SH3GL2: variants seen among roughly 807,000 people sequenced by gnomAD.
SH3GL2 encodes endophilin-A1.
In SH3GL2, 24 loss-of-function variants were observed where a neutral mutation model predicts 46.0. The observed-to-expected ratio is 0.52, with a 90% CI of 0.38 to 0.73. The LOEUF (loss-of-function observed/expected upper bound fraction) is 0.73. Among genes scored for constraint, SH3GL2 ranks in the 30% least tolerant of loss-of-function variants. The probability of loss-of-function intolerance (pLI) is 0.00; values close to 1 mark genes in which losing one functional copy is unlikely to be tolerated. For synonymous variants in SH3GL2, 196 were observed against 147.1 expected, an observed-to-expected ratio of 1.33 and a Z score of -2.40; for missense variants, 413 against 424.2, an observed-to-expected ratio of 0.97 and a Z score of 0.23.
chr9:17,685,657 T>A (rs1424413853), intron 1 of SH3GL2, among the ~76,000 whole-genome samples: 3 of 152,102 alleles, frequency 2.0e-5, no homozygotes, highest in Non-Finnish European at 4.4e-5. Context: ...GTTTCAGCTT[T>A]CTACATATGG....
chr9:17,603,336 A>G (rs564953046), intron 1 of SH3GL2, among the ~76,000 whole-genome samples: 1 of 152,332 alleles, frequency 6.6e-6, no homozygotes, highest in African/African-American at 2.4e-5. Context: ...CACATGCTAC[A>G]CCATGGATGA....
rs1823856475 is a variant in SH3GL2, at chr9:17,783,032, C to T, written c.188-3349C>T. On this transcript the variant is annotated intron_variant, in intron 3 of 8. Transcript: ENST00000380607. ...CAACCAAGTTGTCAGTAGAGCATTC[C>T]AGAACACACACACAGACAGGGGAGC... is the stretch of plus-strand genomic sequence containing the variant. Among the ~76,000 whole-genome samples the T allele has an allele frequency of 1.3e-5, 2 of 152,086 alleles. 1 individual carries two copies. The highest frequency in any genetic ancestry group is 4.8e-5 in the African/African-American group (2 of 41,418).
intron 1 of SH3GL2, among the ~76,000 whole-genome samples, chr9:17,630,864 G>A (rs1452182067): frequency 6.6e-6 from 1 of 152,126 alleles, no homozygotes; most frequent in Admixed American, 6.6e-5. Flanking sequence ...TGGGCAAGGT[G>A]GGGCAGGACC....
intron 1 of SH3GL2, among the ~76,000 whole-genome samples, chr9:17,729,627 T>C (rs1413304180): frequency 1.3e-5 from 2 of 152,220 alleles, no homozygotes; most frequent in African/African-American, 4.8e-5. Flanking sequence ...CATCTTGAAT[T>C]AATTTTTGTA....
intron 1 of SH3GL2, among the ~76,000 whole-genome samples, chr9:17,623,021 CTTT>C (rs1819186370): frequency 1.1e-5 from 1 of 94,696 alleles, no homozygotes; most frequent in African/African-American, 4.3e-5. Flanking sequence ...CTTTCCTTTC[CTTT>C]CCTTTCCTTT....
intron 1 of SH3GL2, among the ~76,000 whole-genome samples, chr9:17,593,888 A>G (rs1818526715): frequency 1.3e-5 from 2 of 152,128 alleles, no homozygotes; most frequent in Non-Finnish European, 2.9e-5. Context: ...CATTCTGAGC[A>G]CTTGTGAGAC....
intron 1 of SH3GL2, among the ~76,000 whole-genome samples, chr9:17,599,229 C>G (rs963748815): frequency 1.3e-5 from 2 of 152,072 alleles, no homozygotes; most frequent in African/African-American, 4.8e-5. Flanking sequence ...ACTTTCTAAA[C>G]ATAACATATC....
intron 1 of SH3GL2, among the ~76,000 whole-genome samples, chr9:17,677,470 A>G (rs1225126708): frequency 6.6e-6 from 1 of 152,142 alleles, no homozygotes; most frequent in African/African-American, 2.4e-5. Context: ...GGGGGTCTGC[A>G]ACATTCCCCT....
At chr9:17,690,299 C>T (rs1180025526) in intron 1 of SH3GL2, among the ~76,000 whole-genome samples, 1 of 152,122 alleles carries the variant, frequency 6.6e-6, no homozygotes, top group Non-Finnish European at 1.5e-5. Flanking sequence ...CCGGGCGAGG[C>T]CTCAGGCACT....
chr9:17,757,006 A>G (rs972620454), intron 2 of SH3GL2, among the ~76,000 whole-genome samples: 5 of 152,112 alleles, frequency 3.3e-5, no homozygotes, highest in Admixed American at 6.5e-5. Context: ...TGACTTTTTA[A>G]TGATTACCAT....
intron 1 of SH3GL2, among the ~76,000 whole-genome samples, chr9:17,685,237 T>C (rs1820872671): frequency 6.6e-6 from 1 of 152,032 alleles, no homozygotes; most frequent in Non-Finnish European, 1.5e-5. Flanking sequence ...AGTGCAAAAT[T>C]CATAGGACAT....
intron 1 of SH3GL2, among the ~76,000 whole-genome samples, chr9:17,691,084 G>A (rs1370573617): frequency 6.6e-6 from 1 of 152,170 alleles, no homozygotes; most frequent in African/African-American, 2.4e-5. Context: ...AAGAACCTTA[G>A]CATGCTAGGG....
chr9:17,731,437 A>G (rs188087811), intron 1 of SH3GL2, among the ~76,000 whole-genome samples: 3 of 149,034 alleles, frequency 2.0e-5, no homozygotes, highest in Admixed American at 6.7e-5. Context: ...GAGAGAGAGA[A>G]AGAGAGAGAG....
intron 1 of SH3GL2, among the ~76,000 whole-genome samples, chr9:17,664,182 G>T (rs1385401805): frequency 2.6e-5 from 4 of 152,152 alleles, no homozygotes; most frequent in African/African-American, 9.7e-5. Flanking sequence ...CAGCTGTGAG[G>T]CTAAAAATCT....
At chr9:17,622,986 GTTTCCTTTCCTTTCC>G (rs1210987554) in intron 1 of SH3GL2, among the ~76,000 whole-genome samples, 23 of 99,400 alleles carry the variant, frequency 2.3e-4, no homozygotes, top group African/African-American at 4.3e-4. Context: ...GTTTCCTTTC[GTTTCCTTTCCTTTCC>G]TTTCCTTTCC....
At chr9:17,611,062 T>G (rs1226906954) in intron 1 of SH3GL2, among the ~76,000 whole-genome samples, 2 of 152,216 alleles carry the variant, frequency 1.3e-5, no homozygotes, top group Non-Finnish European at 2.9e-5. Flanking sequence ...GAGTTATTCA[T>G]TGTGACAGAT....
At chr9:17,699,450 C>T (rs1388549220) in intron 1 of SH3GL2, among the ~76,000 whole-genome samples, 1 of 152,158 alleles carries the variant, frequency 6.6e-6, no homozygotes, top group Non-Finnish European at 1.5e-5. Context: ...TCTCCTGTGC[C>T]TAGTTTGTCA....
chr9:17,780,348 T>C (rs1023522642), intron 3 of SH3GL2, among the ~76,000 whole-genome samples: 1 of 152,196 alleles, frequency 6.6e-6, no homozygotes, highest in African/African-American at 2.4e-5. Flanking sequence ...TTTGTCCTAC[T>C]TCTTTCATTC....
At chr9:17,622,976 G>GTTTCCTTTCGTTTCC (rs1453534306) in intron 1 of SH3GL2, among the ~76,000 whole-genome samples, 1 of 78,712 alleles carries the variant, frequency 1.3e-5, no homozygotes, top group Non-Finnish European at 2.9e-5. Flanking sequence ...TTTTCCTTTC[G>GTTTCCTTTCGTTTCC]TTTCCTTTCG....
Sources: gnomAD v4.1 joint callset for allele counts (sites outside exome capture counted in the v4.1 genomes callset) on GRCh38, gnomAD v4.1.1 for gene constraint, MANE v1.5 for transcripts, NCBI Gene and HGNC (gene_info 2026-07-23, HGNC 2026-07-21) for gene names.